Variants in INPP4A observed in about 807,000 individuals in gnomAD.
INPP4A encodes the protein inositol polyphosphate-4-phosphatase, type I, 107kD.
A neutral mutation model predicts 119.8 loss-of-function variants in INPP4A; 33 were observed. That is an observed-to-expected ratio of 0.28 (90% CI 0.21 to 0.37). The LOEUF is 0.37. Among genes scored for constraint, INPP4A ranks in the 10% least tolerant of loss-of-function variants. The probability of loss-of-function intolerance (pLI) is 1.00; values close to 1 mark genes in which losing one functional copy is unlikely to be tolerated. For synonymous variants in INPP4A, 496 were observed against 500.7 expected, an observed-to-expected ratio of 0.99 and a Z score of 0.12; for missense variants, 956 against 1,289.9, an observed-to-expected ratio of 0.74 and a Z score of 3.97.
chr2:98,459,720 C>T (rs762099854), intron 1 of INPP4A, among the ~76,000 whole-genome samples: 1 of 152,210 alleles, frequency 6.6e-6, no homozygotes, highest in African/African-American at 2.4e-5. Context: ...GTCCAGAGTG[C>T]CCCACTGTGC....
chr2:98,556,588 C>A (rs1410148016), intron 16 of INPP4A, among the ~76,000 whole-genome samples: 1 of 152,274 alleles, frequency 6.6e-6, no homozygotes, highest in Non-Finnish European at 1.5e-5. Context: ...GCCCACAGAC[C>A]TAGCTTCTGC....
chr2:98,531,186 C>G (rs1422669618), intron 4 of INPP4A, among the ~76,000 whole-genome samples: 1 of 152,128 alleles, frequency 6.6e-6, no homozygotes, highest in Non-Finnish European at 1.5e-5. Context: ...TGTCAGAGGA[C>G]AGACCTACTT....
chr2:98,457,396 A>G (rs1343487520), intron 1 of INPP4A, among the ~76,000 whole-genome samples: 3 of 152,174 alleles, frequency 2.0e-5, no homozygotes, highest in African/African-American at 7.2e-5. Flanking sequence ...GCCTGTCTCA[A>G]ACAAACAAAC....
At chr2:98,572,779 C>A in intron 22 of INPP4A, 36 bp from the exon 23 acceptor site, 1 of 1,448,042 alleles carries the variant, frequency 6.9e-7, no homozygotes, top group Non-Finnish European at 9.4e-7. Flanking sequence ...TTCCTGGGTG[C>A]GTCACCCACT....
At chr2:98,561,638 T>C (rs935865335) in intron 17 of INPP4A, among the ~76,000 whole-genome samples, 1 of 152,232 alleles carries the variant, frequency 6.6e-6, no homozygotes, top group Non-Finnish European at 1.5e-5. Flanking sequence ...TAAAGAGATA[T>C]AGGCAAAGTG....
At chr2:98,572,760 C>A in intron 22 of INPP4A, 55 bp from the exon 23 acceptor site, 1 of 1,304,348 alleles carries the variant, frequency 7.7e-7, no homozygotes, top group Non-Finnish European at 1.1e-6. Flanking sequence ...GCTCCCTCTG[C>A]CGGGGGAGTT....
intron 1 of INPP4A, among the ~76,000 whole-genome samples, chr2:98,498,652 GTC>G (rs1682526334): frequency 6.6e-6 from 1 of 152,106 alleles, no homozygotes; most frequent in African/African-American, 2.4e-5. Context: ...ACTGAATTGT[GTC>G]TCTCCTTCAG....
In INPP4A at chr2:98,533,418, A is replaced by C. The variant is rs371104294; in HGVS notation, c.193A>C (p.Asn65His). 6 of 1,613,606 alleles carry C rather than the reference A, an allele frequency of 3.7e-6. No individual in the cohort carries two copies. The South Asian group carries it at 5.5e-5, about 15-fold the overall frequency. The change falls in exon 5 of 25, where the codon AAT becomes CAT. Residue 65 changes from asparagine (N) to histidine (H), a missense_variant. Asn to His is a moderately conservative substitution (Grantham distance 68, BLOSUM62 1). Coordinates refer to ENST00000409851, the MANE Select transcript of INPP4A (RefSeq NM_001134225.2). ...LHTPSLDRKP[N>H]SFVAVSVTTP... ...TACTCCATCGCTAGATCGAAAGCCA[A>C]ATAGTTTTGTTGCGGTGAGTGTCAC...
intron 1 of INPP4A, among the ~76,000 whole-genome samples, chr2:98,454,747 A>G: frequency 9.6e-6 from 1 of 103,672 alleles, no homozygotes; most frequent in Admixed American, 1.3e-4. Flanking sequence ...AGTTGAGAGG[A>G]GAAGGATGTG....
chr2:98,500,436 T>G (rs1279900018), intron 1 of INPP4A, among the ~76,000 whole-genome samples: 1 of 152,216 alleles, frequency 6.6e-6, no homozygotes, highest in Non-Finnish European at 1.5e-5. Context: ...AGGGCATGTC[T>G]GCTGTTCCAG....
intron 7 of INPP4A, 130 bp from the exon 8 acceptor site, chr2:98,537,733 C>T: frequency 1.5e-6 from 1 of 671,430 alleles, no homozygotes; most frequent in Non-Finnish European, 2.7e-6. Context: ...TGAATGCTGA[C>T]TGACTGGTCA....
intron 4 of INPP4A, among the ~76,000 whole-genome samples, chr2:98,530,170 A>G (rs890615645): frequency 1.3e-5 from 2 of 152,036 alleles, no homozygotes; most frequent in African/African-American, 4.8e-5. Flanking sequence ...ACAAACATCA[A>G]ATCTACCATA....
chr2:98,476,476 T>C (rs1165293187), intron 1 of INPP4A, among the ~76,000 whole-genome samples: 3 of 152,194 alleles, frequency 2.0e-5, no homozygotes, highest in Non-Finnish European at 4.4e-5. Flanking sequence ...GGAAGAGCTC[T>C]CCTTCACCAA....
rs563648586 is a variant in INPP4A, at chr2:98,548,838, A to C, written c.1163+2144A>C. On this transcript the variant is annotated intron_variant, in intron 13 of 24. Transcript: ENST00000409851. The stretch of plus-strand genomic sequence containing the variant: ...TAGTCATCCCTGTAGTTGGGACCTC[A>C]ACAAATAATTTTAAGTATTTTGACA... 85 of 974,078 alleles carry C rather than the reference A, an allele frequency of 8.7e-5. No homozygotes were observed. In the African/African-American group the frequency reaches 1.3e-3, roughly 14 times the overall value. 60.3% of individuals were successfully genotyped at this position (974,078 alleles called of 1,614,324 possible). A position where few individuals can be genotyped will look rare whatever the true frequency, so the allele number is the denominator to read the frequency against.
At position 98,490,026 on chromosome 2, in the gene INPP4A, A is replaced by G. The variant is rs556301661; in HGVS notation, c.-165-28938A>G. Among the ~76,000 whole-genome samples the G allele has an allele frequency of 2.0e-5, 3 of 151,882 alleles. No homozygotes were observed. The East Asian group carries it at 5.9e-4, about 30-fold the overall frequency. On this transcript the variant is annotated intron_variant, in intron 1 of 24. Coordinates refer to ENST00000409851, the MANE Select transcript of INPP4A (RefSeq NM_001134225.2). ...ATGCAGAACTCCTTGTAACCTCTTA[A>G]GGTGTAGTGGCTGGCACTGAGGTTG...
chr2:98,525,178 G>T (rs1463280341), intron 4 of INPP4A, among the ~76,000 whole-genome samples: 1 of 152,152 alleles, frequency 6.6e-6, no homozygotes, highest in Non-Finnish European at 1.5e-5. Flanking sequence ...GTTAAGGCCT[G>T]TTCCCAGCTC....
Position 98,554,397 on chromosome 2 carries a change from A to T in INPP4A, c.1474A>T (p.Met492Leu). The T allele has an allele frequency of 6.2e-7, 1 of 1,613,830 alleles. No individual in the cohort carries two copies. Among genetic ancestry groups the T allele is most frequent in the Non-Finnish European group, 8.5e-7 (1 of 1,179,836 alleles). Residue 492 changes from methionine (M) to leucine (L), a missense_variant, in exon 15 of 25, where the codon ATG becomes TTG. This residue lies in a region of INPP4A where 652 missense variants were observed against 797.9 expected (regional missense o/e 0.82). Coordinates refer to ENST00000409851, the MANE Select transcript of INPP4A (RefSeq NM_001134225.2). The surrounding 1 kb of genome is among the most constrained non-coding windows in gnomAD (Gnocchi z 4.7). ...CACTTCGACTGAGGAGGAGCAGGTGATGCTTAGAAATGACCAGGACACCCT... is the reference window on the plus strand; with the variant it reads ...CACTTCGACTGAGGAGGAGCAGGTGTTGCTTAGAAATGACCAGGACACCCT... The part of the protein sequence containing the change: ...SPTSTEEEQV[M>L]LRNDQDTLMA...
chr2:98,475,229 G>A (rs1676961630), intron 1 of INPP4A, among the ~76,000 whole-genome samples: 1 of 152,078 alleles, frequency 6.6e-6, no homozygotes, highest in African/African-American at 2.4e-5. Flanking sequence ...TTGTGAGTGT[G>A]GTACTTAGGA....
chr2:98,509,455 C>T (rs72821929), intron 1 of INPP4A, among the ~76,000 whole-genome samples: 2,771 of 152,318 alleles, frequency 0.018, 29 homozygotes, highest in Middle Eastern at 0.044. Flanking sequence ...AGTTTCGTCG[C>T]GAAACCACTC....
Sources: gnomAD v4.1 joint callset for allele counts (sites outside exome capture counted in the v4.1 genomes callset) on GRCh38, gnomAD v4.1.1 for gene constraint, gnomAD v4.1.1 regional missense constraint, Gnocchi (gnomAD v3.1) non-coding constraint, MANE v1.5 for transcripts, NCBI Gene and HGNC (gene_info 2026-07-23, HGNC 2026-07-21) for gene names.